GALNT13: variants seen among roughly 807,000 people sequenced by gnomAD.
GALNT13 encodes the protein UDP-GalNAc:polypeptide N-acetylgalactosaminyltransferase 13.
In GALNT13, 28 loss-of-function variants were observed where a neutral mutation model predicts 64.2. The observed-to-expected ratio is 0.44, with a 90% confidence interval of 0.32 to 0.60. The LOEUF is 0.60. Ranked by LOEUF, GALNT13 falls within the 20% of genes least tolerant of loss-of-function variation. The pLI is 0.05. For missense variants in GALNT13, 577 were observed against 669.8 expected (o/e 0.86, Z 1.53); for synonymous variants, 214 against 224.6 (o/e 0.95, Z 0.42).
At chr2:154,324,835 A>G (rs1694798903) in intron 9 of GALNT13, among the ~76,000 whole-genome samples, 1 of 152,114 alleles carries the variant, frequency 6.6e-6, no homozygotes, top group Non-Finnish European at 1.5e-5. Context: ...CAGTGAGTCT[A>G]TTTATAATAG....
chr2:153,148,469 C>A, the GALNT13 span, among the ~76,000 whole-genome samples: 1 of 137,598 alleles, frequency 7.3e-6, no homozygotes, highest in African/African-American at 2.8e-5. Flanking sequence ...TGGCTGTCAT[C>A]CATTTTTTCT....
chr2:153,297,491 G>T, the GALNT13 span, among the ~76,000 whole-genome samples: 1 of 152,124 alleles, frequency 6.6e-6, no homozygotes, highest in Non-Finnish European at 1.5e-5. Flanking sequence ...CACACAACAG[G>T]GAGGGAAAAG....
intron 9 of GALNT13, among the ~76,000 whole-genome samples, chr2:154,331,489 A>G (rs1363748525): frequency 3.3e-5 from 5 of 151,826 alleles, no homozygotes; most frequent in African/African-American, 9.7e-5. Context: ...TTTAAAATGT[A>G]GAGACTGGGT....
At chr2:153,251,250 A>G in the GALNT13 span, among the ~76,000 whole-genome samples, 1 of 152,134 alleles carries the variant, frequency 6.6e-6, no homozygotes, top group Admixed American at 6.5e-5. Context: ...TAATTCTAAT[A>G]TGACTTAGTG....
chr2:153,871,414 C>A (rs1476078846), upstream of GALNT13, among the ~76,000 whole-genome samples: 8 of 152,172 alleles, frequency 5.3e-5, no homozygotes, highest in Admixed American at 3.9e-4. Context: ...GCGGAGGGCG[C>A]CGAAGCGTCA....
chr2:153,070,495 A>G, the GALNT13 span, among the ~76,000 whole-genome samples: 2 of 152,314 alleles, frequency 1.3e-5, no homozygotes, highest in African/African-American at 4.8e-5. Context: ...ACTTTGGTTC[A>G]TCAGTTGTGG....
the GALNT13 span, among the ~76,000 whole-genome samples, chr2:153,521,262 T>C: frequency 4.6e-5 from 7 of 152,278 alleles, no homozygotes; most frequent in African/African-American, 1.4e-4. Flanking sequence ...ACTATGGTAG[T>C]GGATGATAAA....
chr2:154,424,487 G>T (rs764460842), intron 11 of GALNT13, among the ~76,000 whole-genome samples: 12 of 152,072 alleles, frequency 7.9e-5, no homozygotes, highest in Non-Finnish European at 1.8e-4. Flanking sequence ...TTCTCCCCTT[G>T]CTTCCAGCCC....
At chr2:153,225,567 T>C in the GALNT13 span, among the ~76,000 whole-genome samples, 1 of 152,152 alleles carries the variant, frequency 6.6e-6, no homozygotes, top group Non-Finnish European at 1.5e-5. Context: ...GATGACATGA[T>C]TGTCTACAAA....
At chr2:154,010,662 G>A (rs1696572009) in intron 3 of GALNT13, among the ~76,000 whole-genome samples, 1 of 152,084 alleles carries the variant, frequency 6.6e-6, no homozygotes, top group Non-Finnish European at 1.5e-5. Context: ...TGTAGGAATG[G>A]TACCAGCTGT....
At chr2:153,442,422 C>T in the GALNT13 span, among the ~76,000 whole-genome samples, 1 of 152,096 alleles carries the variant, frequency 6.6e-6, no homozygotes, top group Non-Finnish European at 1.5e-5. Flanking sequence ...TTTGTTGTGT[C>T]TCTGCCAGTT....
chr2:153,998,260 A>G (rs1251836084), intron 3 of GALNT13, among the ~76,000 whole-genome samples: 1 of 152,128 alleles, frequency 6.6e-6, no homozygotes, highest in Non-Finnish European at 1.5e-5. Context: ...AGTCCCACCA[A>G]TAGTGTAAAA....
intron 9 of GALNT13, among the ~76,000 whole-genome samples, chr2:154,364,382 CTGA>C (rs1319483494): frequency 6.6e-6 from 1 of 152,090 alleles, no homozygotes; most frequent in Non-Finnish European, 1.5e-5. Context: ...TCATCAAAAT[CTGA>C]TGATTACGGA....
At chr2:153,353,598 T>G in the GALNT13 span, among the ~76,000 whole-genome samples, 1 of 152,152 alleles carries the variant, frequency 6.6e-6, no homozygotes, top group Non-Finnish European at 1.5e-5. Context: ...TTGTAGATAT[T>G]CCTTTAACAA....
the GALNT13 span, among the ~76,000 whole-genome samples, chr2:153,456,252 C>T: frequency 6.6e-6 from 1 of 152,216 alleles, no homozygotes; most frequent in African/African-American, 2.4e-5. Flanking sequence ...CCGCCCTTTT[C>T]TGCCTAGAGT....
intron 11 of GALNT13, among the ~76,000 whole-genome samples, chr2:154,426,170 A>G (rs1472097008): frequency 6.6e-6 from 1 of 152,134 alleles, no homozygotes; most frequent in Non-Finnish European, 1.5e-5. Flanking sequence ...GGCAAAGTTC[A>G]GTTCCTTGCA....
chr2:153,133,497 C>T, the GALNT13 span, among the ~76,000 whole-genome samples: 1 of 151,928 alleles, frequency 6.6e-6, no homozygotes, highest in South Asian at 2.1e-4. Context: ...TCTTTTTCAT[C>T]CAATAAATTC....
chr2:153,769,165 G>A, the GALNT13 span, among the ~76,000 whole-genome samples: 2 of 152,078 alleles, frequency 1.3e-5, no homozygotes, highest in Non-Finnish European at 2.9e-5. Context: ...TGGCATTTCA[G>A]TTGTATGTAA....
chr2:153,358,222 G>A, the GALNT13 span, among the ~76,000 whole-genome samples: 2 of 152,088 alleles, frequency 1.3e-5, no homozygotes, highest in Non-Finnish European at 2.9e-5. Flanking sequence ...TGAGATGTTT[G>A]AAAAATAACA....
Sources: gnomAD v4.1 joint callset for allele counts (sites outside exome capture counted in the v4.1 genomes callset) on GRCh38, gnomAD v4.1.1 for gene constraint, MANE v1.5 for transcripts, NCBI Gene and HGNC (gene_info 2026-07-23, HGNC 2026-07-21) for gene names.